The following CELF2 variants were observed in gnomAD, a reference collection of about 807,000 sequenced individuals.
The protein encoded by CELF2 is CUG triplet repeat RNA-binding protein 2.
A neutral mutation model predicts 62.6 loss-of-function variants in CELF2; 8 were observed. The observed-to-expected ratio is 0.13, with a 90% confidence interval of 0.07 to 0.23. CELF2 has a LOEUF of 0.23. Among genes scored for constraint, CELF2 ranks in the 10% least tolerant of loss-of-function variants. CELF2 has a pLI of 1.00. For synonymous variants in CELF2, 258 were observed against 250.0 expected, an observed-to-expected ratio of 1.03 and a Z score of -0.30; for missense variants, 333 against 671.0, an observed-to-expected ratio of 0.50 and a Z score of 5.56.
chr10:11,103,487 A>ATTTTTTTTTTTTTTT lies in CELF2; in HGVS notation c.75-61993_75-61979dup, dbSNP rs3054364. Among the ~76,000 whole-genome samples the ATTTTTTTTTTTTTTT allele has an allele frequency of 1.1e-4, 13 of 119,738 alleles. 1 individual carries two copies. The highest frequency in any genetic ancestry group is 5.4e-4 in the South Asian group (2 of 3,726). 78.6% of individuals were successfully genotyped at this position (119,738 alleles called of 152,430 possible). Reference sequence around the variant, plus strand: ...CGGATAAACCTGTGTTTGTAGCCTGATTTTTTTTTTTTTTTTTTTTACTGT... The same window carrying ATTTTTTTTTTTTTTT: ...CGGATAAACCTGTGTTTGTAGCCTGATTTTTTTTTTTTTTTTTTTTTTTTTTTTTTTTTTTACTGT... On this transcript the variant is annotated intron_variant, in intron 1 of 12. Coordinates refer to ENST00000633077, the MANE Select transcript of CELF2 (RefSeq NM_001326342.2).
the CELF2 span, among the ~76,000 whole-genome samples, chr10:10,678,176 T>C: frequency 6.6e-6 from 1 of 152,134 alleles, no homozygotes; most frequent in Non-Finnish European, 1.5e-5. Flanking sequence ...GAGATACTTA[T>C]GGATCCACAC....
At chr10:11,107,434 G>T (rs940166923) in intron 1 of CELF2, among the ~76,000 whole-genome samples, 1 of 152,160 alleles carries the variant, frequency 6.6e-6, no homozygotes, top group Non-Finnish European at 1.5e-5. Flanking sequence ...TTGGAGTGCG[G>T]TCTGTAGAGT....
At chr10:11,060,728 A>C (rs996261441) in intron 1 of CELF2, among the ~76,000 whole-genome samples, 18 of 152,086 alleles carry the variant, frequency 1.2e-4, no homozygotes, top group African/African-American at 4.3e-4. Context: ...TCCCAATAAC[A>C]TGTGCTCAGT....
the CELF2 span, among the ~76,000 whole-genome samples, chr10:10,533,101 G>T: frequency 6.6e-6 from 1 of 152,116 alleles, no homozygotes; most frequent in Non-Finnish European, 1.5e-5. Flanking sequence ...ATGCTCACTT[G>T]TTCAAAACCA....
At chr10:10,672,556 G>A in the CELF2 span, among the ~76,000 whole-genome samples, 6 of 147,752 alleles carry the variant, frequency 4.1e-5, no homozygotes, top group African/African-American at 1.3e-4. Context: ...AAAATATTAT[G>A]TCTTCTCCAT....
intron 2 of CELF2, among the ~76,000 whole-genome samples, chr10:10,981,715 G>T (rs958556882): frequency 6.6e-6 from 1 of 152,140 alleles, no homozygotes; most frequent in African/African-American, 2.4e-5. Flanking sequence ...ATACAAGTAA[G>T]TAACATTTAT....
At chr10:11,301,222 G>T (rs948019703) in intron 9 of CELF2, among the ~76,000 whole-genome samples, 1 of 152,020 alleles carries the variant, frequency 6.6e-6, no homozygotes, top group Non-Finnish European at 1.5e-5. Flanking sequence ...CGTGGATCTG[G>T]AATCTTTAGA....
At chr10:10,996,483 C>G (rs1044211915) in intron 2 of CELF2, among the ~76,000 whole-genome samples, 1 of 152,334 alleles carries the variant, frequency 6.6e-6, no homozygotes, top group African/African-American at 2.4e-5. Flanking sequence ...AGGCTGCCTT[C>G]GTGGGTTACT....
At chr10:11,256,497 G>A (rs1239745110) in intron 4 of CELF2, among the ~76,000 whole-genome samples, 1 of 151,074 alleles carries the variant, frequency 6.6e-6, no homozygotes, top group African/African-American at 2.4e-5. Context: ...AAAGAAATAG[G>A]TATGCACAAG....
In CELF2 at chr10:10,939,662, C is replaced by T. The variant is rs115180300; in HGVS notation, c.89+19663C>T. Reference sequence around the variant, plus strand: ...GAAAAATGAATGATTCAAACAGAATCGGAAAAGCCAGGCCGGGCGCGGTGG... The same window carrying T: ...GAAAAATGAATGATTCAAACAGAATTGGAAAAGCCAGGCCGGGCGCGGTGG... On this transcript the variant is annotated intron_variant, in intron 2 of 13. Coordinates refer to the CELF2 transcript ENST00000636488. 6.5e-3 allele frequency among the ~76,000 whole-genome samples: 986 copies of T among 151,800 alleles called. 7 individuals are homozygous for T. The highest frequency in any genetic ancestry group is 0.022 in the African/African-American group (919 of 41,436).
rs866795947 is a variant in CELF2, at chr10:11,277,007, C to T, written c.841+1887C>T. 3.3e-5 allele frequency among the ~76,000 whole-genome samples: 5 copies of T among 152,226 alleles called. No homozygotes were observed. In the South Asian group the frequency reaches 1.0e-3, roughly 31 times the overall value. On this transcript the variant is annotated intron_variant, in intron 8 of 12. Coordinates refer to ENST00000633077, the MANE Select transcript of CELF2 (RefSeq NM_001326342.2). ...TGTGTGAAATTCAGCACACTAAGTC[C>T]TCACAGGCTAGGAAATCAAATGCTG...
the CELF2 span, among the ~76,000 whole-genome samples, chr10:10,506,217 T>C: frequency 2.0e-5 from 3 of 152,082 alleles, no homozygotes; most frequent in South Asian, 6.2e-4. Flanking sequence ...CTCTTGAGTC[T>C]CATGCTTTTT....
the CELF2 span, among the ~76,000 whole-genome samples, chr10:10,732,540 T>C: frequency 2.7e-5 from 4 of 150,166 alleles, no homozygotes; most frequent in Non-Finnish European, 5.9e-5. Flanking sequence ...TTTTTTTTTT[T>C]TGAGACAAAG....
chr10:10,775,736 TAGG>T, the CELF2 span, among the ~76,000 whole-genome samples: 1 of 152,198 alleles, frequency 6.6e-6, no homozygotes, highest in Admixed American at 6.5e-5. Context: ...AAATTGGAGA[TAGG>T]AGACCAATGA....
chr10:10,483,214 C>CAAAAAA, the CELF2 span, among the ~76,000 whole-genome samples: 11 of 93,438 alleles, frequency 1.2e-4, no homozygotes, highest in African/African-American at 1.2e-4. Flanking sequence ...GGCAGAATAC[C>CAAAAAA]AAAAAAAAAA....
At chr10:11,294,343 A>T (rs1284175908) in intron 9 of CELF2, among the ~76,000 whole-genome samples, 3 of 152,170 alleles carry the variant, frequency 2.0e-5, no homozygotes, top group Non-Finnish European at 4.4e-5. Context: ...TTACATAAGC[A>T]AGGTCCCATT....
At chr10:10,569,923 GGAA>G in the CELF2 span, among the ~76,000 whole-genome samples, 42 of 152,136 alleles carry the variant, frequency 2.8e-4, no homozygotes, top group Non-Finnish European at 4.4e-4. Flanking sequence ...AGAATCTTCA[GGAA>G]GATTGCCTCT....
At chr10:11,080,224 T>G (rs1247417303) in intron 1 of CELF2, among the ~76,000 whole-genome samples, 2 of 152,216 alleles carry the variant, frequency 1.3e-5, no homozygotes, top group Admixed American at 1.3e-4. Flanking sequence ...TGAGGTCATG[T>G]AAAAGATCCA....
At chr10:11,232,868 C>A (rs2069331774) in intron 3 of CELF2, among the ~76,000 whole-genome samples, 1 of 152,106 alleles carries the variant, frequency 6.6e-6, no homozygotes, top group African/African-American at 2.4e-5. Flanking sequence ...TGCCAGGTTC[C>A]CAATTCCCAG....
Sources: allele counts gnomAD v4.1 joint callset (sites outside exome capture counted in the v4.1 genomes callset), GRCh38; gene constraint gnomAD v4.1.1; transcripts MANE v1.5; gene names NCBI Gene and HGNC (gene_info 2026-07-23, HGNC 2026-07-21).